Variants in GRK3 observed in about 807,000 individuals in gnomAD.
The protein encoded by GRK3 is G protein-coupled receptor kinase 3.
Under a neutral mutation model 95.7 loss-of-function variants are expected in GRK3, and 54 were observed. That is an observed-to-expected ratio of 0.56 (90% CI 0.45 to 0.71). The LOEUF is 0.71. GRK3 is among the 30% of genes least tolerant of loss of function. The pLI, the probability that GRK3 is intolerant of heterozygous loss-of-function variation, is 0.00. For missense variants in GRK3, 649 were observed against 851.2 expected (o/e 0.76, Z 2.96); for synonymous variants, 281 against 290.8 (o/e 0.97, Z 0.34).
chr22:25,598,563 T>C (rs894151467), intron 1 of GRK3, among the ~76,000 whole-genome samples: 1 of 151,790 alleles, frequency 6.6e-6, no homozygotes, highest in African/African-American at 2.4e-5. Flanking sequence ...TCTTCCCAGC[T>C]ACTTGAGAGT....
rs1160663800 is a variant in GRK3 at position 25,724,061 on chromosome 22, C to T, written c.*1611C>T. On this transcript the variant is annotated 3_prime_UTR_variant, in exon 21 of 21. Transcript: ENST00000324198. ...CCAGTGTGGGAGGAGGGATGTACTA[C>T]TTACATGCATTCTCCTTATTTAAAA... is the stretch of plus-strand genomic sequence containing the variant. 6.6e-6 allele frequency: 1 copy of T among 151,028 alleles called. No homozygotes were observed. Among genetic ancestry groups the T allele is most frequent in the Non-Finnish European group, 1.5e-5 (1 of 67,912 alleles). The allele number at this position is 151,028 out of a possible 1,614,324, so 9.4% of individuals were successfully genotyped here. A position where few individuals can be genotyped will look rare whatever the true frequency, so the allele number is the denominator to read the frequency against.
intron 8 of GRK3, among the ~76,000 whole-genome samples, chr22:25,678,037 A>C (rs901623787): frequency 1.3e-4 from 20 of 152,246 alleles, no homozygotes; most frequent in South Asian, 4.1e-4. Context: ...CTTAAATATC[A>C]AAATTAAAAA....
rs2085441316 is a variant in GRK3, at chr22:25,722,519, T to A, written c.*69T>A. On this transcript the variant is annotated 3_prime_UTR_variant, in exon 21 of 21. Transcript: ENST00000324198. ...CTCAGCCTTTTGGGGTGAACGAGGA[T>A]GAGGCATCTGATCTATTCGCTACCG... is the stretch of plus-strand genomic sequence containing the variant. The A allele has an allele frequency of 6.5e-7, 1 of 1,538,786 alleles. No homozygotes were observed. The highest frequency in any genetic ancestry group is 1.4e-5 in the African/African-American group (1 of 73,094).
Position 25,726,228 on chromosome 22 carries a change from G to T in GRK3, c.*3778G>T, listed in dbSNP as rs935616585. 3.3e-5 allele frequency: 5 copies of T among 152,110 alleles called. No homozygotes were observed. Among genetic ancestry groups the T allele is most frequent in the African/African-American group, 1.2e-4 (5 of 41,428 alleles). The allele number at this position is 152,110 out of a possible 1,614,324, so 9.4% of individuals were successfully genotyped here. A position where few individuals can be genotyped will look rare whatever the true frequency, so the allele number is the denominator to read the frequency against. On this transcript the variant is annotated 3_prime_UTR_variant, in exon 21 of 21. Coordinates refer to ENST00000324198, the MANE Select transcript of GRK3 (RefSeq NM_005160.4). Reference sequence around the variant, plus strand: ...TCTCTGCTTTTTAAAATTTCACTCGGAATTTGTAGCTGGGCCAATTCAACA... The same window carrying T: ...TCTCTGCTTTTTAAAATTTCACTCGTAATTTGTAGCTGGGCCAATTCAACA...
intron 13 of GRK3, 71 bp downstream of exon 13, chr22:25,695,285 T>A: frequency 1.0e-6 from 1 of 997,448 alleles, no homozygotes; most frequent in Non-Finnish European, 1.6e-6. Flanking sequence ...TGAGAATATG[T>A]AGAAATGACT....
intron 9 of GRK3, among the ~76,000 whole-genome samples, chr22:25,683,116 G>A (rs1169833632): frequency 2.6e-5 from 4 of 152,362 alleles, no homozygotes; most frequent in Admixed American, 2.0e-4. Flanking sequence ...TTAAAGGATT[G>A]TAAAGAAAAT....
intron 15 of GRK3, among the ~76,000 whole-genome samples, chr22:25,708,718 A>G (rs1295734730): frequency 2.6e-5 from 4 of 151,088 alleles, no homozygotes; most frequent in South Asian, 2.1e-4. Context: ...CTGGAGTGCA[A>G]TGGCACAATC....
chr22:25,703,572 C>T lies in GRK3; in HGVS notation c.1223C>T (p.Thr408Ile), dbSNP rs1167017447. The T allele has an allele frequency of 6.2e-7, 1 of 1,610,372 alleles. No homozygotes were observed. The highest frequency in any genetic ancestry group is 8.5e-7 in the Non-Finnish European group (1 of 1,176,830). ...CATGAAATTGACCGAATGACACTCA[C>T]CGTGGTAAGGGGATTCAAAACTGTA... Reference protein sequence around the residue: ...DKHEIDRMTLTVNVELPDTFS... With the variant: ...DKHEIDRMTLIVNVELPDTFS... Residue 408 changes from threonine (T) to isoleucine (I), a missense_variant, in exon 14 of 21, where the codon ACC becomes ATC. Around this residue, in one of 3 missense-constraint regions of GRK3, gnomAD observed 382 missense variants for 493.8 expected, o/e 0.77. Transcript: ENST00000324198.
chr22:25,650,483 T>C (rs1377600093), intron 3 of GRK3, among the ~76,000 whole-genome samples: 2 of 152,208 alleles, frequency 1.3e-5, no homozygotes, highest in African/African-American at 2.4e-5. Flanking sequence ...GTCCTTATGG[T>C]GATGGGTGCC....
chr22:25,624,405 T>C (rs2084611393), intron 2 of GRK3, among the ~76,000 whole-genome samples: 1 of 151,820 alleles, frequency 6.6e-6, no homozygotes, highest in Admixed American at 6.6e-5. Flanking sequence ...CTACTAAAAA[T>C]ACAAAAAAAT....
intron 1 of GRK3, among the ~76,000 whole-genome samples, chr22:25,570,157 C>T (rs1931639153): frequency 6.6e-6 from 1 of 152,204 alleles, no homozygotes; most frequent in Non-Finnish European, 1.5e-5. Flanking sequence ...TAGAGAATTC[C>T]TCTGGGACCT....
intron 1 of GRK3, among the ~76,000 whole-genome samples, chr22:25,565,856 A>G (rs1931459950): frequency 6.6e-6 from 1 of 152,076 alleles, no homozygotes; most frequent in Non-Finnish European, 1.5e-5. Context: ...GTGGCACTTT[A>G]TTAAAAAATT....
intron 6 of GRK3, among the ~76,000 whole-genome samples, chr22:25,671,220 G>T (rs1036572129): frequency 5.3e-5 from 8 of 151,782 alleles, no homozygotes; most frequent in Admixed American, 5.3e-4. Context: ...GGCGCCTGTA[G>T]TCCCAGCTAC....
At chr22:25,592,705 G>T (rs181483454) in intron 1 of GRK3, among the ~76,000 whole-genome samples, 249 of 152,316 alleles carry the variant, frequency 1.6e-3, no homozygotes, top group Middle Eastern at 0.01. Context: ...TTGTTATGTG[G>T]GTGTATTGTG....
intron 1 of GRK3, among the ~76,000 whole-genome samples, chr22:25,583,831 T>C (rs1382060904): frequency 6.6e-6 from 1 of 152,228 alleles, no homozygotes; most frequent in Non-Finnish European, 1.5e-5. Context: ...CTTCAAATGG[T>C]GCGAGATCAG....
In GRK3 at chr22:25,633,081, T is replaced by A. The variant is rs193193960; in HGVS notation, c.191-11511T>A. ...ACCTGCCACCAAGCCTGGCTAATTT[T>A]TTTTTTTGTATTTTTAATAAAGACA... On this transcript the variant is annotated intron_variant, in intron 2 of 20. Coordinates refer to ENST00000324198, the MANE Select transcript of GRK3 (RefSeq NM_005160.4). 8.3e-3 allele frequency among the ~76,000 whole-genome samples: 1,265 copies of A among 152,022 alleles called. 6 individuals are homozygous for A. The highest frequency in any genetic ancestry group is 0.012 in the Admixed American group (189 of 15,276).
intron 2 of GRK3, among the ~76,000 whole-genome samples, chr22:25,604,684 C>A (rs16980509): frequency 0.074 from 11,300 of 152,250 alleles, 443 homozygotes; most frequent in Middle Eastern, 0.16. Context: ...TTTACATGAA[C>A]TCAGCGTTGC....
chr22:25,668,875 C>T (rs2084959971), intron 6 of GRK3, among the ~76,000 whole-genome samples: 1 of 152,164 alleles, frequency 6.6e-6, no homozygotes, highest in African/African-American at 2.4e-5. Context: ...TATTTTATAA[C>T]TTTGCCATGC....
intron 2 of GRK3, among the ~76,000 whole-genome samples, chr22:25,639,706 C>T (rs1569174905): frequency 6.6e-6 from 1 of 152,004 alleles, no homozygotes; most frequent in African/African-American, 2.4e-5. Flanking sequence ...TTAAAAAGGC[C>T]TGTTGGAGTT....
Sources: gnomAD v4.1 joint callset for allele counts (sites outside exome capture counted in the v4.1 genomes callset) on GRCh38, gnomAD v4.1.1 for gene constraint, gnomAD v4.1.1 regional missense constraint, MANE v1.5 for transcripts, NCBI Gene and HGNC (gene_info 2026-07-23, HGNC 2026-07-21) for gene names.